AKAP13: variants seen among roughly 807,000 people sequenced by gnomAD.
AKAP13 encodes A-kinase anchor protein 13.
Under a neutral mutation model 264.5 loss-of-function variants are expected in AKAP13, and 80 were observed. The observed-to-expected ratio is 0.30, with a 90% CI of 0.25 to 0.36. The LOEUF is 0.36. AKAP13 is among the 10% of genes least tolerant of loss of function. The probability of loss-of-function intolerance (pLI) is 1.00; values close to 1 mark genes in which losing one functional copy is unlikely to be tolerated. For missense variants in AKAP13, 3,712 were observed against 3,435.2 expected (o/e 1.08, Z -2.01); for synonymous variants, 1,380 against 1,250.2 (o/e 1.10, Z -2.19).
chr15:85,419,935 GTTTT>G (rs11452064), intron 1 of AKAP13, among the ~76,000 whole-genome samples: 1 of 77,986 alleles, frequency 1.3e-5, no homozygotes, highest in Admixed American at 1.9e-4. Flanking sequence ...TCTGACTCTT[GTTTT>G]TTTTTTTTTT....
intron 2 of AKAP13, among the ~76,000 whole-genome samples, chr15:85,500,628 G>T (rs1014187681): frequency 6.6e-6 from 1 of 152,132 alleles, no homozygotes; most frequent in Non-Finnish European, 1.5e-5. Context: ...TTGATCGGTT[G>T]GTGATGCACA....
Position 85,658,598 on chromosome 15 carries a change from G to A in AKAP13, c.4799+8G>A. 6.2e-7 allele frequency: 1 copy of A among 1,612,352 alleles called. No individual in the cohort carries two copies. Among genetic ancestry groups the A allele is most frequent in the South Asian group, 1.1e-5 (1 of 90,898 alleles). On this transcript the variant is annotated splice_region_variant and intron_variant, in intron 12 of 36. Transcript: ENST00000394518. ...TCCCATTCATAGGAGAAGGTACAGAGTTCATTAACTTGATGGACTAACCAT... is the reference window on the plus strand; with the variant it reads ...TCCCATTCATAGGAGAAGGTACAGAATTCATTAACTTGATGGACTAACCAT...
chr15:85,545,607 A>T (rs919273146), intron 5 of AKAP13, among the ~76,000 whole-genome samples: 5 of 152,202 alleles, frequency 3.3e-5, no homozygotes, highest in Non-Finnish European at 5.9e-5. Flanking sequence ...GAGGATGAGC[A>T]CCTTGCTGCA....
chr15:85,670,908 G>A (rs1222786600), intron 14 of AKAP13: 1 of 152,132 alleles, frequency 6.6e-6, no homozygotes, highest in Non-Finnish European at 1.5e-5. Context: ...TACTTGGATT[G>A]GATCAGTGTT....
At chr15:85,742,777 C>T (rs537272863) in intron 35 of AKAP13, among the ~76,000 whole-genome samples, 1 of 152,146 alleles carries the variant, frequency 6.6e-6, no homozygotes, top group East Asian at 1.9e-4. Context: ...TACCATGTTG[C>T]CGTTTGTTTG....
chr15:85,553,166 A>C (rs1414403908), intron 5 of AKAP13, among the ~76,000 whole-genome samples: 1 of 142,798 alleles, frequency 7.0e-6, no homozygotes, highest in African/African-American at 2.6e-5. Context: ...AGCTCACTGC[A>C]ACCTCCACCT....
At chr15:85,598,693 A>T (rs2079926682) in intron 8 of AKAP13, among the ~76,000 whole-genome samples, 1 of 152,196 alleles carries the variant, frequency 6.6e-6, no homozygotes, top group Non-Finnish European at 1.5e-5. Flanking sequence ...AAGAAGCTCT[A>T]TTGGGAGAAA....
intron 1 of AKAP13, among the ~76,000 whole-genome samples, chr15:85,434,053 A>C (rs537164601): frequency 2.0e-5 from 3 of 151,262 alleles, no homozygotes; most frequent in Non-Finnish European, 3.0e-5. Flanking sequence ...CTGCATTTCC[A>C]TCTGAGGTAC....
chr15:85,426,776 GAC>G (rs556302822), intron 1 of AKAP13, among the ~76,000 whole-genome samples: 99 of 152,180 alleles, frequency 6.5e-4, no homozygotes, highest in Non-Finnish European at 4.4e-5. Flanking sequence ...TTTTTTAAAA[GAC>G]AGTGCAGTGC....
At chr15:85,615,436 C>G (rs1401943770) in intron 8 of AKAP13, among the ~76,000 whole-genome samples, 1 of 152,202 alleles carries the variant, frequency 6.6e-6, no homozygotes, top group Admixed American at 6.5e-5. Context: ...GGAGACGATC[C>G]TTTGCAGCCA....
chr15:85,517,353 TTTTTTTTC>T (rs1180497192), intron 2 of AKAP13, among the ~76,000 whole-genome samples: 2 of 151,798 alleles, frequency 1.3e-5, no homozygotes, highest in Non-Finnish European at 1.5e-5. Flanking sequence ...CATCACACTT[TTTTTTTTC>T]CCCCCATCAA....
At chr15:85,562,582 T>A (rs760290455) in intron 5 of AKAP13, among the ~76,000 whole-genome samples, 90,745 of 113,526 alleles carry the variant, frequency 0.8, 37,379 homozygotes, top group Non-Finnish European at 0.87. Context: ...AAAATATATA[T>A]ATATATATAT....
At chr15:85,524,388 C>T (rs2076943615) in intron 3 of AKAP13, among the ~76,000 whole-genome samples, 1 of 152,058 alleles carries the variant, frequency 6.6e-6, no homozygotes, top group Non-Finnish European at 1.5e-5. Flanking sequence ...GTTGGCCAGG[C>T]TGGTCTTGAA....
chr15:85,744,953 C>T lies in AKAP13; in HGVS notation c.*276C>T, dbSNP rs567212358. On this transcript the variant is annotated 3_prime_UTR_variant, in exon 37 of 37. Coordinates refer to ENST00000394518, the MANE Select transcript of AKAP13 (RefSeq NM_007200.5). ...AGGATTACACTGAAAGTAATGGCCT[C>T]GTAAGTACAGGTGATGGTTTTGGAC... 27 of 356,474 alleles carry T rather than the reference C, an allele frequency of 7.6e-5. No individual in the cohort carries two copies. The South Asian group carries it at 1.1e-3, about 14-fold the overall frequency. 22.1% of individuals were successfully genotyped at this position (356,474 alleles called of 1,614,324 possible).
intron 1 of AKAP13, among the ~76,000 whole-genome samples, chr15:85,404,342 A>G (rs2071569281): frequency 6.6e-6 from 1 of 152,212 alleles, no homozygotes. Context: ...CCACCGAATA[A>G]AATCTGAGTA....
intron 25 of AKAP13, 76 bp from the exon 26 acceptor site, chr15:85,722,996 G>A (rs2087391697): frequency 6.5e-7 from 1 of 1,541,482 alleles, no homozygotes. Context: ...GATATGGAGT[G>A]AGAAGTCAGG....
At chr15:85,582,445 A>G (rs2079164940) in intron 7 of AKAP13, among the ~76,000 whole-genome samples, 1 of 152,194 alleles carries the variant, frequency 6.6e-6, no homozygotes, top group African/African-American at 2.4e-5. Flanking sequence ...GTTTTTATTC[A>G]CATGGCTTAA....
intron 2 of AKAP13, among the ~76,000 whole-genome samples, chr15:85,504,359 T>C (rs2076125793): frequency 6.6e-6 from 1 of 151,498 alleles, no homozygotes; most frequent in Non-Finnish European, 1.5e-5. Flanking sequence ...AACTCTTTCA[T>C]TAAATTTTTA....
intron 26 of AKAP13, among the ~76,000 whole-genome samples, chr15:85,725,441 C>A (rs471073): frequency 0.24 from 36,121 of 151,500 alleles, 5,453 homozygotes; most frequent in African/African-American, 0.43. Context: ...AAAAAAAAAA[C>A]TTTTTCATAA....
Sources: allele counts gnomAD v4.1 joint callset (sites outside exome capture counted in the v4.1 genomes callset), GRCh38; gene constraint gnomAD v4.1.1; transcripts MANE v1.5; gene names NCBI Gene and HGNC (gene_info 2026-07-23, HGNC 2026-07-21).